Variants in NALCN observed in about 807,000 individuals in gnomAD.
NALCN encodes the protein sodium leak channel NALCN.
Under a neutral mutation model 225.3 loss-of-function variants are expected in NALCN, and 111 were observed. That is an observed-to-expected ratio of 0.49 (90% CI 0.42 to 0.58). The LOEUF is 0.58. NALCN is among the 20% of genes least tolerant of loss of function. The pLI is 0.00. For missense variants in NALCN, 1,378 were observed against 2,202.4 expected (o/e 0.63, Z 7.49); for synonymous variants, 764 against 769.0 (o/e 0.99, Z 0.11).
intron 18 of NALCN, among the ~76,000 whole-genome samples, chr13:101,114,344 T>C (rs2139659490): frequency 6.6e-6 from 1 of 152,322 alleles, no homozygotes; most frequent in East Asian, 1.9e-4. Context: ...ACGCTTTCTT[T>C]GAATTTTAGT....
intron 27 of NALCN, among the ~76,000 whole-genome samples, chr13:101,098,197 C>T (rs1229516028): frequency 1.3e-5 from 2 of 152,270 alleles, no homozygotes; most frequent in East Asian, 1.9e-4. Flanking sequence ...CAGTACAGTA[C>T]TCCCAGTTGG....
At chr13:101,412,274 T>C (rs912851683) in intron 1 of NALCN, among the ~76,000 whole-genome samples, 2 of 152,230 alleles carry the variant, frequency 1.3e-5, no homozygotes, top group African/African-American at 4.8e-5. Flanking sequence ...TTTATTGGTG[T>C]GTCTCTGTTG....
At chr13:101,156,392 A>G (rs1431866866) in intron 15 of NALCN, among the ~76,000 whole-genome samples, 1 of 152,152 alleles carries the variant, frequency 6.6e-6, no homozygotes, top group Non-Finnish European at 1.5e-5. Flanking sequence ...CCTTACTTCT[A>G]GGCTCCCTCA....
At chr13:101,136,185 A>G (rs2036775449) in intron 17 of NALCN, among the ~76,000 whole-genome samples, 1 of 152,242 alleles carries the variant, frequency 6.6e-6, no homozygotes, top group African/African-American at 2.4e-5. Context: ...TGATTGTTGG[A>G]TGAAAGGGTG....
At chr13:101,308,323 G>A (rs1159222300) in intron 7 of NALCN, among the ~76,000 whole-genome samples, 1 of 152,146 alleles carries the variant, frequency 6.6e-6, no homozygotes, top group Admixed American at 6.5e-5. Flanking sequence ...AGTTCTTCCT[G>A]ATGTATGCAA....
intron 27 of NALCN, among the ~76,000 whole-genome samples, chr13:101,098,771 G>A (rs949095815): frequency 1.3e-5 from 2 of 152,040 alleles, no homozygotes; most frequent in Non-Finnish European, 2.9e-5. Flanking sequence ...CACTCATGGC[G>A]TTTTTGGCCT....
At chr13:101,259,732 G>GTGTATATATATATATATA (rs1555324888) in intron 10 of NALCN, among the ~76,000 whole-genome samples, 3 of 119,388 alleles carry the variant, frequency 2.5e-5, no homozygotes, top group African/African-American at 8.4e-5. Flanking sequence ...CATAGTAAGT[G>GTGTATATATATATATATA]TATATATATA....
intron 7 of NALCN, among the ~76,000 whole-genome samples, chr13:101,340,729 G>A (rs922907645): frequency 1.2e-4 from 18 of 152,092 alleles, no homozygotes; most frequent in Admixed American, 1.2e-3. Context: ...TTACCACAAA[G>A]GAGTCATGTG....
At chr13:101,312,200 G>A (rs1445504312) in intron 7 of NALCN, among the ~76,000 whole-genome samples, 2 of 152,016 alleles carry the variant, frequency 1.3e-5, no homozygotes, top group Non-Finnish European at 2.9e-5. Flanking sequence ...TGGGATCGGT[G>A]GTGATATCCC....
At chr13:101,391,817 T>C (rs1049421814) in intron 3 of NALCN, among the ~76,000 whole-genome samples, 11 of 138,398 alleles carry the variant, frequency 7.9e-5, no homozygotes, top group Non-Finnish European at 1.7e-4. Flanking sequence ...ACCGCATCTC[T>C]ACTAAACACA....
At chr13:101,205,029 G>A (rs1476501546) in intron 13 of NALCN, among the ~76,000 whole-genome samples, 1 of 152,112 alleles carries the variant, frequency 6.6e-6, no homozygotes, top group Non-Finnish European at 1.5e-5. Context: ...AGCAAATGGT[G>A]TTGCTCAGTA....
At chr13:101,181,309 C>T (rs754164646) in intron 14 of NALCN, 2 of 518,752 alleles carry the variant, frequency 3.9e-6, no homozygotes, top group African/African-American at 1.9e-5. Flanking sequence ...GTCTTGAGTG[C>T]CACAGAGGTC....
At chr13:101,221,181 G>A (rs1277096917) in intron 13 of NALCN, among the ~76,000 whole-genome samples, 2 of 151,384 alleles carry the variant, frequency 1.3e-5, no homozygotes, top group Non-Finnish European at 2.9e-5. Context: ...AGTACATTTA[G>A]TAGCAAAATC....
chr13:101,303,717 A>T (rs997954541), intron 7 of NALCN, among the ~76,000 whole-genome samples: 4 of 152,188 alleles, frequency 2.6e-5, no homozygotes, highest in Non-Finnish European at 5.9e-5. Context: ...TATGCCTGGA[A>T]TAAAATGTCT....
chr13:101,313,873 G>A (rs2044450082), intron 7 of NALCN, among the ~76,000 whole-genome samples: 1 of 152,050 alleles, frequency 6.6e-6, no homozygotes, highest in African/African-American at 2.4e-5. Flanking sequence ...TATGTTTATT[G>A]TGGCACTATT....
chr13:101,146,863 T>C (rs925189442), intron 15 of NALCN, among the ~76,000 whole-genome samples: 2 of 151,888 alleles, frequency 1.3e-5, no homozygotes, highest in Non-Finnish European at 2.9e-5. Context: ...GATAATAAAA[T>C]AGAATGGCCA....
intron 6 of NALCN, 55 bp downstream of exon 6, chr13:101,376,645 C>G: frequency 6.5e-7 from 1 of 1,540,218 alleles, no homozygotes. Context: ...ATGAAAATTA[C>G]AGAGATATCT....
intron 13 of NALCN, among the ~76,000 whole-genome samples, chr13:101,201,755 C>T (rs575267653): frequency 3.9e-4 from 60 of 152,088 alleles, no homozygotes; most frequent in African/African-American, 1.2e-3. Flanking sequence ...GAATACAACT[C>T]GTATCATCCA....
intron 11 of NALCN, among the ~76,000 whole-genome samples, chr13:101,247,557 C>T (rs2041934451): frequency 6.6e-6 from 1 of 152,210 alleles, no homozygotes; most frequent in Middle Eastern, 3.4e-3. Context: ...TTCTAAAATT[C>T]AAACTATGAA....
Sources: gnomAD v4.1 joint callset for allele counts (sites outside exome capture counted in the v4.1 genomes callset) on GRCh38, gnomAD v4.1.1 for gene constraint, MANE v1.5 for transcripts, NCBI Gene and HGNC (gene_info 2026-07-23, HGNC 2026-07-21) for gene names.